Variants in OR56A1 observed in about 807,000 individuals in gnomAD.
The protein encoded by OR56A1 is olfactory receptor family 56 subfamily A member 1, also known as olfactory receptor 56A1.
For synonymous variants in OR56A1, 174 were observed against 159.1 expected (o/e 1.09, Z -0.70); for missense variants, 360 against 380.9 (o/e 0.94, Z 0.46).
Position 6,025,019 on chromosome 11 carries a change from T to A in OR56A1, c.*1729A>T, listed in dbSNP as rs1253589569. ...CCAGCATTGGGTTACAGTTACTTTATCTAATCCCCACAATGTGGGGCAGTT... is the reference window on the plus strand; with the variant it reads ...CCAGCATTGGGTTACAGTTACTTTAACTAATCCCCACAATGTGGGGCAGTT... On this transcript the variant is annotated 3_prime_UTR_variant, in exon 2 of 2. Transcript: ENST00000641900. 1 of 152,214 alleles carries A rather than the reference T, an allele frequency of 6.6e-6. No individual in the cohort carries two copies. Among genetic ancestry groups the A allele is most frequent in the Admixed American group, 6.5e-5 (1 of 15,284 alleles). 9.4% of individuals were successfully genotyped at this position (152,214 alleles called of 1,614,324 possible). A position where few individuals can be genotyped will look rare whatever the true frequency, so the allele number is the denominator to read the frequency against.
rs1270552857 is a variant in OR56A1, at chr11:6,025,552, T to C, written c.*1196A>G. Reference sequence around the variant, plus strand: ...GGTTTTTGTTTAACTCCCAGCCTTATTGAACTCTCTCAAAAATACCAGCAC... The same window carrying C: ...GGTTTTTGTTTAACTCCCAGCCTTACTGAACTCTCTCAAAAATACCAGCAC... On this transcript the variant is annotated 3_prime_UTR_variant, in exon 2 of 2. Transcript: ENST00000641900. 2.6e-5 allele frequency: 4 copies of C among 152,266 alleles called. No individual in the cohort carries two copies. Among genetic ancestry groups the C allele is most frequent in the Non-Finnish European group, 5.9e-5 (4 of 68,052 alleles). The allele number at this position is 152,266 out of a possible 1,614,324, so 9.4% of individuals were successfully genotyped here.
At position 6,021,087 on chromosome 11, in the gene OR56A1, G is replaced by A. The variant is rs1848391205; in HGVS notation, c.*5661C>T. 1 of 152,044 alleles carries A rather than the reference G, an allele frequency of 6.6e-6. No individual in the cohort carries two copies. Among genetic ancestry groups the A allele is most frequent in the South Asian group, 2.1e-4 (1 of 4,816 alleles). The allele number at this position is 152,044 out of a possible 1,614,324, so 9.4% of individuals were successfully genotyped here. ...AGAAAAAGAGTGGCATGGAGAAAGG[G>A]AGAAGACAATATAGAAAAGAAAAGT... On this transcript the variant is annotated 3_prime_UTR_variant, in exon 2 of 2. Transcript: ENST00000641900.
At position 6,026,941 on chromosome 11, in the gene OR56A1, A is replaced by C. The variant is rs368881328; in HGVS notation, c.752T>G (p.Ile251Ser). ...LSTCGSHFIL[I>S]LFFSTILLVV... ...CAGCAGTATGGTGCTGAAGAAAAGA[A>C]TGAGGATGAAGTGGGAGCCACATGT... The change falls in exon 2 of 2, where the codon ATT (isoleucine) becomes AGT (serine). Residue 251 changes from isoleucine to serine, a missense_variant. Transcript: ENST00000641900. 1 of 1,614,174 alleles carries C rather than the reference A, an allele frequency of 6.2e-7. No homozygotes were observed. The highest frequency in any genetic ancestry group is 8.5e-7 in the Non-Finnish European group (1 of 1,180,022).
At chr11:6,028,367 C>A (rs1177942267) in intron 1 of OR56A1, among the ~76,000 whole-genome samples, 1 of 151,578 alleles carries the variant, frequency 6.6e-6, no homozygotes, top group East Asian at 1.9e-4. Flanking sequence ...CTTAAATGTG[C>A]CTTCAATAAA....
upstream of OR56A1, among the ~76,000 whole-genome samples, chr11:6,032,079 G>A (rs1320160600): frequency 6.6e-6 from 1 of 152,116 alleles, no homozygotes; most frequent in Non-Finnish European, 1.5e-5. Flanking sequence ...TAATAAGGGT[G>A]TGTCATTGGT....
rs1334525827 is a variant in OR56A1, at chr11:6,027,163, A to G, written c.530T>C (p.Ile177Thr). 5 of 1,614,250 alleles carry G rather than the reference A, an allele frequency of 3.1e-6. No individual in the cohort carries two copies. Among genetic ancestry groups the G allele is most frequent in the Middle Eastern group, 1.6e-4 (1 of 6,062 alleles). ...SLLHYCGENV[I>T]ENCICANLSV... is the part of the protein sequence containing the mutation. ...CAAGTTGGCACAGATGCAGTTCTCA[A>G]TGACATTTTCCCCACAGTAATGGAG... The change falls in exon 2 of 2, where the codon ATT (isoleucine) becomes ACT (threonine). Residue 177 changes from isoleucine to threonine, a missense_variant. By Grantham distance (89) the Ile-to-Thr change is moderately conservative. Transcript: ENST00000641900.
chr11:6,032,383 G>C (rs193002493), upstream of OR56A1, among the ~76,000 whole-genome samples: 7 of 152,104 alleles, frequency 4.6e-5, no homozygotes, highest in Admixed American at 4.6e-4. Flanking sequence ...TTAGCATGTT[G>C]TTTTTGTACC....
Position 6,023,641 on chromosome 11 carries a change from C to G in OR56A1, c.*3107G>C, listed in dbSNP as rs550261906. 35 of 152,196 alleles carry G rather than the reference C, an allele frequency of 2.3e-4. No individual in the cohort carries two copies. The highest frequency in any genetic ancestry group is 4.4e-4 in the Non-Finnish European group (30 of 68,030). The allele number at this position is 152,196 out of a possible 1,614,324, so 9.4% of individuals were successfully genotyped here. ...CTACTCCTGTCTCTCTTCTCATGTT[C>G]TGAATGCACCCTCTTCCAATGCAGT... On this transcript the variant is annotated 3_prime_UTR_variant, in exon 2 of 2. Coordinates refer to ENST00000641900, the MANE Select transcript of OR56A1 (RefSeq NM_001388488.1).
Position 6,029,702 on chromosome 11 carries a change from C to G in OR56A1, c.-35+1000G>C, listed in dbSNP as rs148064992. ...TCCTGGTCACTCCCTCTCATTTTCT[C>G]GAACACATCCATCATCCACTACCTT... On this transcript the variant is annotated intron_variant, in intron 1 of 1. Transcript: ENST00000641900. 6.6e-5 allele frequency among the ~76,000 whole-genome samples: 10 copies of G among 152,296 alleles called. No individual in the cohort carries two copies. In the East Asian group the frequency reaches 1.9e-3, roughly 29 times the overall value.
In OR56A1 at chr11:6,022,141, C is replaced by T. The variant is rs1445142423; in HGVS notation, c.*4607G>A. On this transcript the variant is annotated 3_prime_UTR_variant, in exon 2 of 2. Transcript: ENST00000641900. ...GAGAAATGAAAATTTATGATCAAGG[C>T]TCTTTTGCAAGCAGCTGGATCTATG... 1 of 152,072 alleles carries T rather than the reference C, an allele frequency of 6.6e-6. No individual in the cohort carries two copies. Among genetic ancestry groups the T allele is most frequent in the Non-Finnish European group, 1.5e-5 (1 of 67,974 alleles). 9.4% of individuals were successfully genotyped at this position (152,072 alleles called of 1,614,324 possible).
At position 6,025,269 on chromosome 11, in the gene OR56A1, ATC is replaced by A. The variant is rs1848435920; in HGVS notation, c.*1477_*1478del. The A allele has an allele frequency of 6.6e-6, 1 of 152,184 alleles. No individual in the cohort carries two copies. Among genetic ancestry groups the A allele is most frequent in the South Asian group, 2.1e-4 (1 of 4,822 alleles). 9.4% of individuals were successfully genotyped at this position (152,184 alleles called of 1,614,324 possible). A position where few individuals can be genotyped will look rare whatever the true frequency, so the allele number is the denominator to read the frequency against. ...GGAGCTGCGCCAGTTACTAACACTT[ATC>A]TCTCAGTCCCAAGCCTGCCGTCCAT... On this transcript the variant is annotated 3_prime_UTR_variant, in exon 2 of 2. Transcript: ENST00000641900.
chr11:6,024,321 C>A lies in OR56A1; in HGVS notation c.*2427G>T, dbSNP rs1465409877. 1 of 152,144 alleles carries A rather than the reference C, an allele frequency of 6.6e-6. No individual in the cohort carries two copies. The highest frequency in any genetic ancestry group is 2.4e-5 in the African/African-American group (1 of 41,408). The allele number at this position is 152,144 out of a possible 1,614,324, so 9.4% of individuals were successfully genotyped here. On this transcript the variant is annotated 3_prime_UTR_variant, in exon 2 of 2. Coordinates refer to ENST00000641900, the MANE Select transcript of OR56A1 (RefSeq NM_001388488.1). Reference sequence around the variant, plus strand: ...TGGTAGTTTCTATCCCTATGTACACCCAGTTTGAGTCAAGCATCTCATAAT... The same window carrying A: ...TGGTAGTTTCTATCCCTATGTACACACAGTTTGAGTCAAGCATCTCATAAT...
At position 6,023,981 on chromosome 11, in the gene OR56A1, G is replaced by T. The variant is rs1161518437; in HGVS notation, c.*2767C>A. ...CTTGAGACCAGTTATTTTACCACTTGCAGTGAGCTTGACAATTTTGTGAGA... is the reference window on the plus strand; with the variant it reads ...CTTGAGACCAGTTATTTTACCACTTTCAGTGAGCTTGACAATTTTGTGAGA... On this transcript the variant is annotated 3_prime_UTR_variant, in exon 2 of 2. Transcript: ENST00000641900. 1 of 152,134 alleles carries T rather than the reference G, an allele frequency of 6.6e-6. No homozygotes were observed. Among genetic ancestry groups the T allele is most frequent in the Non-Finnish European group, 1.5e-5 (1 of 68,012 alleles). 9.4% of individuals were successfully genotyped at this position (152,134 alleles called of 1,614,324 possible).
At chr11:6,028,001 G>C (rs191371024) in intron 1 of OR56A1, among the ~76,000 whole-genome samples, 1 of 151,714 alleles carries the variant, frequency 6.6e-6, no homozygotes, top group Non-Finnish European at 1.5e-5. Flanking sequence ...TTACAAACAC[G>C]CAACAAATTA....
At chr11:6,030,122 C>T (rs938714530) in intron 1 of OR56A1, among the ~76,000 whole-genome samples, 1 of 152,076 alleles carries the variant, frequency 6.6e-6, no homozygotes, top group Admixed American at 6.5e-5. Flanking sequence ...TTTAATTAGC[C>T]CTGGAATCCA....
upstream of OR56A1, among the ~76,000 whole-genome samples, chr11:6,032,271 G>A (rs1379333640): frequency 6.6e-6 from 1 of 152,122 alleles, no homozygotes; most frequent in Non-Finnish European, 1.5e-5. Flanking sequence ...ATGTTTATAT[G>A]TTCAGGGAAA....
upstream of OR56A1, among the ~76,000 whole-genome samples, chr11:6,032,865 G>A (rs1335408931): frequency 6.6e-6 from 1 of 152,048 alleles, no homozygotes; most frequent in Admixed American, 6.6e-5. Flanking sequence ...GAATTGTTTT[G>A]AATTTCATCC....
At chr11:6,032,509 A>C (rs1848522221), upstream of OR56A1, among the ~76,000 whole-genome samples, 1 of 152,200 alleles carries the variant, frequency 6.6e-6, no homozygotes, top group South Asian at 2.1e-4. Context: ...CCACTGAAAA[A>C]TATTTTGGCA....
In OR56A1 at chr11:6,021,189, A is replaced by C. The variant is rs562221707; in HGVS notation, c.*5559T>G. On this transcript the variant is annotated 3_prime_UTR_variant, in exon 2 of 2. Coordinates refer to ENST00000641900, the MANE Select transcript of OR56A1 (RefSeq NM_001388488.1). ...AACTGACCTGATACAGATAGATCAAAAACCTATTAGGCCTTCGAGGGGGTT... is the reference window on the plus strand; with the variant it reads ...AACTGACCTGATACAGATAGATCAACAACCTATTAGGCCTTCGAGGGGGTT... 8.5e-5 allele frequency: 13 copies of C among 152,214 alleles called. No individual in the cohort carries two copies. The South Asian group carries it at 2.5e-3, about 29-fold the overall frequency. 9.4% of individuals were successfully genotyped at this position (152,214 alleles called of 1,614,324 possible). A position where few individuals can be genotyped will look rare whatever the true frequency, so the allele number is the denominator to read the frequency against.
Sources: gnomAD v4.1 joint callset for allele counts (sites outside exome capture counted in the v4.1 genomes callset) on GRCh38, gnomAD v4.1.1 for gene constraint, MANE v1.5 for transcripts, NCBI Gene and HGNC (gene_info 2026-07-23, HGNC 2026-07-21) for gene names.